The following GPR157 variants were observed in gnomAD, a reference collection of about 807,000 sequenced individuals.
The protein encoded by GPR157 is G-protein coupled receptor 157.
Under a neutral mutation model 23.5 loss-of-function variants are expected in GPR157, and 16 were observed. That is an observed-to-expected ratio of 0.68 (90% CI 0.46 to 1.04). GPR157 has a LOEUF of 1.04. GPR157 is among the 50% of genes least tolerant of loss of function. The probability of loss-of-function intolerance (pLI) is 0.00; values close to 1 mark genes in which losing one functional copy is unlikely to be tolerated. For missense variants in GPR157, 440 were observed against 460.7 expected (o/e 0.96, Z 0.41); for synonymous variants, 200 against 221.5 (o/e 0.90, Z 0.86).
rs1235894788 is a variant in GPR157 at position 9,100,381 on chromosome 1, A to T, written c.*4038T>A. The T allele has an allele frequency of 6.6e-6, 1 of 152,232 alleles. No individual in the cohort carries two copies. Among genetic ancestry groups the T allele is most frequent in the Non-Finnish European group, 1.5e-5 (1 of 68,030 alleles). 9.4% of individuals were successfully genotyped at this position (152,232 alleles called of 1,614,324 possible). ...CCACCCAGTCAGGGCTTGCATTACA[A>T]TTTTGCAGGTGCAAAAACTCACACT... On this transcript the variant is annotated 3_prime_UTR_variant, in exon 4 of 4. Transcript: ENST00000377411.
In GPR157 at chr1:9,128,900, CG is replaced by C. The variant is rs1210215089; in HGVS notation, c.127del (p.Arg43AlafsTer100). 70 of 1,550,616 alleles carry C rather than the reference CG, an allele frequency of 4.5e-5. No individual in the cohort carries two copies. Among genetic ancestry groups the C allele is most frequent in the Non-Finnish European group, 5.3e-5 (61 of 1,150,072 alleles). ...VATHALWPDL[R>X]SRARRLLLFL... ...GAGCAGCAGGCGCCGTGCCCGGCTG[CG>C]CAGGTCGGGCCACAGGGCGTGCGTG... On this transcript the variant is annotated frameshift_variant, in exon 1 of 4. Transcript: ENST00000377411. LOFTEE classifies it high-confidence loss of function. The surrounding 1 kb of genome is among the most constrained non-coding windows in gnomAD (Gnocchi z 6.3).
chr1:9,119,810 T>A (rs1638761190), intron 1 of GPR157, among the ~76,000 whole-genome samples: 1 of 152,208 alleles, frequency 6.6e-6, no homozygotes, highest in African/African-American at 2.4e-5. Context: ...CAACACCTTT[T>A]AAGTGTCCTC....
chr1:9,123,229 TTTAA>T (rs1638843797), intron 1 of GPR157, among the ~76,000 whole-genome samples: 1 of 117,724 alleles, frequency 8.5e-6, no homozygotes, highest in Non-Finnish European at 1.7e-5. Context: ...AAAATATATA[TTTAA>T]ATATATATTA....
chr1:9,121,025 G>A (rs537211031), intron 1 of GPR157, among the ~76,000 whole-genome samples: 1 of 152,272 alleles, frequency 6.6e-6, no homozygotes, highest in South Asian at 2.1e-4. Flanking sequence ...GTGCCACGGT[G>A]AGCTCGTTTC....
At position 9,105,939 on chromosome 1, in the gene GPR157, C is replaced by T. The variant is rs1025837308; in HGVS notation, c.598-259G>A. Among the ~76,000 whole-genome samples, 3 of 152,136 alleles carry T rather than the reference C, an allele frequency of 2.0e-5. No individual in the cohort carries two copies. Among genetic ancestry groups the T allele is most frequent in the Admixed American group, 2.0e-4 (3 of 15,270 alleles). The stretch of plus-strand genomic sequence containing the variant: ...GATCTTGACCCCTGAGGCCAATGCT[C>T]CCTTCCCAGTCTCAGCTCATGGAAA... On this transcript the variant is annotated intron_variant, in intron 2 of 3. Coordinates refer to ENST00000377411, the MANE Select transcript of GPR157 (RefSeq NM_024980.5). The surrounding 1 kb of genome is among the most constrained non-coding windows in gnomAD (Gnocchi z 4.8).
At chr1:9,123,211 TATTTATTAAA>T (rs1638841213) in intron 1 of GPR157, among the ~76,000 whole-genome samples, 1 of 128,736 alleles carries the variant, frequency 7.8e-6, no homozygotes, top group Non-Finnish European at 1.6e-5. Context: ...TTTATATATA[TATTTATTAAA>T]ATATATATTT....
rs1642591753 is a variant in GPR157, at chr1:9,103,477, T to A, written c.*942A>T. 6.6e-6 allele frequency: 1 copy of A among 152,190 alleles called. No homozygotes were observed. The allele number at this position is 152,190 out of a possible 1,614,324, so 9.4% of individuals were successfully genotyped here. On this transcript the variant is annotated 3_prime_UTR_variant, in exon 4 of 4. Coordinates refer to ENST00000377411, the MANE Select transcript of GPR157 (RefSeq NM_024980.5). The stretch of plus-strand genomic sequence containing the variant: ...CTGTGCCCGGCCTGAGGAATCGTAT[T>A]TGGATTACTCATCTCTCCGGCCACT...
At chr1:9,106,164 G>C (rs1183777040) in intron 2 of GPR157, among the ~76,000 whole-genome samples, 3 of 152,132 alleles carry the variant, frequency 2.0e-5, no homozygotes, top group African/African-American at 7.2e-5. Context: ...GCCTCTCAAA[G>C]TGCTGGGATT....
At chr1:9,116,829 A>G (rs1385326176) in intron 1 of GPR157, among the ~76,000 whole-genome samples, 1 of 151,954 alleles carries the variant, frequency 6.6e-6, no homozygotes, top group African/African-American at 2.4e-5. Context: ...GCAGCCTCCA[A>G]ATCTCGGACT....
intron 1 of GPR157, among the ~76,000 whole-genome samples, chr1:9,116,361 T>TATA (rs1638678008): frequency 1.7e-5 from 1 of 58,696 alleles, no homozygotes; most frequent in African/African-American, 7.3e-5. Flanking sequence ...TATATATAAA[T>TATA]TATATATATA....
In GPR157 at chr1:9,104,445, T is replaced by C. The variant is rs745332342; in HGVS notation, c.982A>G (p.Thr328Ala). The C allele has an allele frequency of 5.0e-6, 8 of 1,613,120 alleles. No individual in the cohort carries two copies. The South Asian group carries it at 6.6e-5, about 13-fold the overall frequency. Residue 328 changes from threonine to alanine, a missense_variant, in exon 4 of 4, where the codon ACC becomes GCC. Thr to Ala is a moderately conservative substitution (Grantham distance 58). Transcript: ENST00000377411. Reference sequence around the variant, plus strand: ...CAGGTGCTTGGAAGTTCCCCTGGGGTCCCTTGGGATTCCTGAGATTCTCCT... The same window carrying C: ...CAGGTGCTTGGAAGTTCCCCTGGGGCCCCTTGGGATTCCTGAGATTCTCCT... ...KPGESQESQG[T>A]PGELPST
Position 9,105,606 on chromosome 1 carries a change from G to A in GPR157, c.672C>T (p.Asp224=), listed in dbSNP as rs76838328. ...HRLLRHSSMA[D]KKLVLIPLIF... ...TGAGCGGGATGAGCACCAGCTTCTT[G>A]TCCGCCATGGAGGAGTGGCGCAGCA... Residue 224 remains aspartate (D), a synonymous_variant, in exon 3 of 4, where the codon GAC becomes GAT. Transcript: ENST00000377411. The surrounding 1 kb of genome is among the most constrained non-coding windows in gnomAD (Gnocchi z 4.8). 5,309 of 1,612,426 alleles carry A rather than the reference G, an allele frequency of 3.3e-3. 160 individuals are homozygous for A. In the African/African-American group the frequency reaches 0.062, roughly 19 times the overall value.
intron 1 of GPR157, among the ~76,000 whole-genome samples, chr1:9,124,286 G>T (rs992745235): frequency 8.5e-5 from 13 of 152,074 alleles, no homozygotes; most frequent in Admixed American, 5.9e-4. Flanking sequence ...GAAACTATTG[G>T]TATGGCATAA....
intron 1 of GPR157, among the ~76,000 whole-genome samples, chr1:9,112,160 T>C (rs1172909632): frequency 6.6e-6 from 1 of 152,184 alleles, no homozygotes; most frequent in Non-Finnish European, 1.5e-5. Context: ...GGCACCAGCG[T>C]GCGAACACCT....
intron 2 of GPR157, among the ~76,000 whole-genome samples, chr1:9,107,109 T>G (rs1056330953): frequency 6.6e-6 from 1 of 152,224 alleles, no homozygotes; most frequent in Admixed American, 6.5e-5. Context: ...CCCTTGTTCC[T>G]TGGGCTTATT....
intron 2 of GPR157, among the ~76,000 whole-genome samples, chr1:9,106,124 C>A (rs889580247): frequency 5.9e-5 from 9 of 152,136 alleles, no homozygotes; most frequent in Non-Finnish European, 1.0e-4. Flanking sequence ...TGATCTCAAA[C>A]TCTTGAACTC....
At chr1:9,117,028 G>A (rs1002744959) in intron 1 of GPR157, among the ~76,000 whole-genome samples, 4 of 151,952 alleles carry the variant, frequency 2.6e-5, no homozygotes, top group South Asian at 2.1e-4. Flanking sequence ...GACAAGAGCC[G>A]CCATGCCCAG....
At chr1:9,116,081 C>T (rs1638627703) in intron 1 of GPR157, among the ~76,000 whole-genome samples, 1 of 121,262 alleles carries the variant, frequency 8.2e-6, no homozygotes, top group Non-Finnish European at 1.6e-5. Flanking sequence ...CCACCATGGC[C>T]AATTTCCAGC....
chr1:9,128,791 G>A lies in GPR157; in HGVS notation c.237C>T (p.Cys79=), dbSNP rs769465631. ...AGGTGGACAGCGCGCCCTGCAGCAC[G>A]CAGTCCCACGACGGGCCCGCGAAGT... ...LQNFAGPSWD[C]VLQGALSTFA... Residue 79 remains cysteine, a synonymous_variant, in exon 1 of 4, where the codon TGC becomes TGT. Transcript: ENST00000377411. This position sits in a 1 kb window ranked among gnomAD's most constrained non-coding sequence, Gnocchi z 6.3. The A allele has an allele frequency of 1.2e-6, 2 of 1,611,280 alleles. No homozygotes were observed. The highest frequency in any genetic ancestry group is 1.7e-6 in the Non-Finnish European group (2 of 1,178,710).
Sources: allele counts gnomAD v4.1 joint callset (sites outside exome capture counted in the v4.1 genomes callset), GRCh38; gene constraint gnomAD v4.1.1; non-coding constraint Gnocchi (gnomAD v3.1); transcripts MANE v1.5; gene names NCBI Gene and HGNC (gene_info 2026-07-23, HGNC 2026-07-21).